Variants in UNC13C observed in about 807,000 individuals in gnomAD.
UNC13C encodes the protein unc-13 homolog C.
A neutral mutation model predicts 245.4 loss-of-function variants in UNC13C; 174 were observed. That is an observed-to-expected ratio of 0.71 (90% CI 0.63 to 0.80). The LOEUF (loss-of-function observed/expected upper bound fraction) is 0.80. UNC13C is among the 30% of genes least tolerant of loss of function. The pLI, the probability that UNC13C is intolerant of heterozygous loss-of-function variation, is 0.00. For synonymous variants in UNC13C, 992 were observed against 895.1 expected, an observed-to-expected ratio of 1.11 and a Z score of -1.93; for missense variants, 2,829 against 2,602.9, an observed-to-expected ratio of 1.09 and a Z score of -1.89.
chr15:54,443,210 A>G (rs1312513535), intron 19 of UNC13C, among the ~76,000 whole-genome samples: 1 of 152,110 alleles, frequency 6.6e-6, no homozygotes, highest in Non-Finnish European at 1.5e-5. Flanking sequence ...ATAGTTGTTC[A>G]TAATAGTCTC....
chr15:54,191,702 C>T (rs560136697), intron 4 of UNC13C, among the ~76,000 whole-genome samples: 3 of 152,170 alleles, frequency 2.0e-5, no homozygotes, highest in Non-Finnish European at 1.5e-5. Flanking sequence ...ACCACATCCT[C>T]TCCAGCATCT....
chr15:54,277,477 G>C (rs950094646), intron 10 of UNC13C, among the ~76,000 whole-genome samples: 1 of 152,132 alleles, frequency 6.6e-6, no homozygotes, highest in African/African-American at 2.4e-5. Context: ...CACTAACTCT[G>C]GGGGAACATT....
chr15:53,858,670 C>A, the UNC13C span, among the ~76,000 whole-genome samples: 1 of 152,136 alleles, frequency 6.6e-6, no homozygotes, highest in East Asian at 1.9e-4. Context: ...CCACCCGCCT[C>A]AGCATCCCAA....
chr15:54,273,233 C>T (rs2036734860), intron 10 of UNC13C, among the ~76,000 whole-genome samples: 1 of 152,058 alleles, frequency 6.6e-6, no homozygotes, highest in Non-Finnish European at 1.5e-5. Flanking sequence ...ACAAATTGTC[C>T]CAAGGGCAGA....
At chr15:54,134,736 T>C (rs1177981696) in intron 2 of UNC13C, among the ~76,000 whole-genome samples, 5 of 152,184 alleles carry the variant, frequency 3.3e-5, no homozygotes, top group African/African-American at 9.6e-5. Flanking sequence ...AAATAGGTTG[T>C]TTTTATACCT....
In UNC13C at chr15:54,264,360, G is replaced by A; in HGVS notation, c.3641G>A (p.Gly1214Glu). Residue 1214 changes from glycine to glutamate, a missense_variant, in exon 9 of 33, where the codon GGG (glycine) becomes GAG (glutamate). Coordinates refer to ENST00000260323, the MANE Select transcript of UNC13C (RefSeq NM_001080534.3). ...TKAAKQSVLD[G>E]TSKWSAKITI... is the part of the protein sequence containing the mutation. Reference sequence around the variant, plus strand: ...GCGGCCAAACAGAGTGTACTGGATGGGACATCTAAGTGGTCTGCAAAAATA... The same window carrying A: ...GCGGCCAAACAGAGTGTACTGGATGAGACATCTAAGTGGTCTGCAAAAATA... The A allele has an allele frequency of 6.2e-7, 1 of 1,602,964 alleles. No homozygotes were observed. The highest frequency in any genetic ancestry group is 1.1e-5 in the South Asian group (1 of 88,768).
intron 2 of UNC13C, among the ~76,000 whole-genome samples, chr15:54,026,590 G>T (rs1329469981): frequency 6.6e-6 from 1 of 152,130 alleles, no homozygotes; most frequent in East Asian, 1.9e-4. Flanking sequence ...TTTTGCTGTA[G>T]GGAAACCCAT....
intron 4 of UNC13C, among the ~76,000 whole-genome samples, chr15:54,172,339 A>G (rs1321972859): frequency 2.6e-5 from 4 of 151,972 alleles, no homozygotes; most frequent in Non-Finnish European, 2.9e-5. Context: ...TATGTATTGC[A>G]TGCCTGTGTT....
At chr15:54,556,394 C>T (rs1897090537) in intron 29 of UNC13C, among the ~76,000 whole-genome samples, 1 of 152,018 alleles carries the variant, frequency 6.6e-6, no homozygotes, top group East Asian at 1.9e-4. Flanking sequence ...CACATACTTT[C>T]ACAAAACTGT....
the UNC13C span, among the ~76,000 whole-genome samples, chr15:53,968,655 C>A: frequency 2.0e-5 from 3 of 152,036 alleles, no homozygotes; most frequent in African/African-American, 7.2e-5. Flanking sequence ...TTGGATCTCT[C>A]CATGAAAAAA....
At chr15:53,896,884 T>A in the UNC13C span, among the ~76,000 whole-genome samples, 54 of 152,318 alleles carry the variant, frequency 3.5e-4, no homozygotes, top group Middle Eastern at 3.4e-3. Context: ...GATGACCTCA[T>A]GAAACTACTC....
chr15:54,287,509 T>C (rs74015118), intron 10 of UNC13C, among the ~76,000 whole-genome samples: 1 of 152,188 alleles, frequency 6.6e-6, no homozygotes, highest in Non-Finnish European at 1.5e-5. Flanking sequence ...CATTCATTTA[T>C]TTCATTCAAC....
intron 20 of UNC13C, among the ~76,000 whole-genome samples, chr15:54,495,412 G>A (rs543853304): frequency 3.9e-5 from 6 of 151,950 alleles, no homozygotes; most frequent in Non-Finnish European, 8.8e-5. Context: ...CTAATTTAAG[G>A]AGCATAAGCA....
At chr15:53,844,251 G>A in the UNC13C span, among the ~76,000 whole-genome samples, 1 of 152,184 alleles carries the variant, frequency 6.6e-6, no homozygotes, top group East Asian at 1.9e-4. Flanking sequence ...AATATTCTTG[G>A]TGAAGTAGAA....
At chr15:54,567,317 T>A (rs918547026) in intron 29 of UNC13C, among the ~76,000 whole-genome samples, 1 of 152,122 alleles carries the variant, frequency 6.6e-6, no homozygotes, top group Non-Finnish European at 1.5e-5. Context: ...TGCACCACTG[T>A]GTGATTAGAG....
the UNC13C span, among the ~76,000 whole-genome samples, chr15:53,966,891 A>G: frequency 2.0e-5 from 3 of 151,894 alleles, no homozygotes; most frequent in Non-Finnish European, 4.4e-5. Context: ...CTTAGCTTCT[A>G]TAGTTGTCAT....
intron 30 of UNC13C, among the ~76,000 whole-genome samples, chr15:54,593,444 A>T (rs1898909970): frequency 6.6e-6 from 1 of 152,006 alleles, no homozygotes. Flanking sequence ...CAAGAACACC[A>T]ATTATTTTTA....
intron 4 of UNC13C, among the ~76,000 whole-genome samples, chr15:54,200,231 T>C (rs1437887218): frequency 6.6e-6 from 1 of 152,064 alleles, no homozygotes; most frequent in East Asian, 1.9e-4. Context: ...AACATATTAG[T>C]AGGGGTCTTT....
At chr15:54,110,448 C>T (rs1340762687) in intron 2 of UNC13C, among the ~76,000 whole-genome samples, 1 of 152,054 alleles carries the variant, frequency 6.6e-6, no homozygotes, top group South Asian at 2.1e-4. Flanking sequence ...AATGTAAAAT[C>T]AAATTCTGTC....
Sources: gnomAD v4.1 joint callset for allele counts (sites outside exome capture counted in the v4.1 genomes callset) on GRCh38, gnomAD v4.1.1 for gene constraint, MANE v1.5 for transcripts, NCBI Gene and HGNC (gene_info 2026-07-23, HGNC 2026-07-21) for gene names.